PLA2G4C: variants seen among roughly 807,000 people sequenced by gnomAD.
The protein encoded by PLA2G4C is cytosolic phospholipase A2 gamma.
In PLA2G4C, 64 loss-of-function variants were observed where a neutral mutation model predicts 73.8. That is an observed-to-expected ratio of 0.87 (90% CI 0.71 to 1.07). The LOEUF (loss-of-function observed/expected upper bound fraction) is 1.07. Ranked by LOEUF, PLA2G4C falls within the 50% of genes least tolerant of loss-of-function variation. PLA2G4C has a pLI of 0.00. For synonymous variants in PLA2G4C, 254 were observed against 252.1 expected, an observed-to-expected ratio of 1.01 and a Z score of -0.07; for missense variants, 622 against 665.4, an observed-to-expected ratio of 0.93 and a Z score of 0.72.
At chr19:48,088,549 C>G (rs1418865711) in intron 9 of PLA2G4C, 137 bp downstream of exon 9, 2 of 674,538 alleles carry the variant, frequency 3.0e-6, no homozygotes, top group Non-Finnish European at 5.4e-6. Context: ...AAGATGAAAT[C>G]TTTGAAATAC....
intron 11 of PLA2G4C, among the ~76,000 whole-genome samples, chr19:48,075,132 A>G (rs1330371707): frequency 6.6e-6 from 1 of 151,286 alleles, no homozygotes; most frequent in Non-Finnish European, 1.5e-5. Flanking sequence ...TATTTTCTTC[A>G]GGGTTGGAGG....
chr19:48,102,639 C>T (rs950549326), intron 4 of PLA2G4C, among the ~76,000 whole-genome samples: 4 of 152,126 alleles, frequency 2.6e-5, no homozygotes, highest in African/African-American at 9.7e-5. Context: ...CCTGTGAGAT[C>T]AGCACAGTTT....
intron 10 of PLA2G4C, among the ~76,000 whole-genome samples, chr19:48,079,215 G>T (rs562294967): frequency 6.6e-6 from 1 of 152,134 alleles, no homozygotes; most frequent in African/African-American, 2.4e-5. Context: ...CATAGCCAAA[G>T]CAAAGACTAA....
At position 48,109,224 on chromosome 19, in the gene PLA2G4C, T is replaced by C. The variant is rs574337687; in HGVS notation, c.-33+1263A>G. Among the ~76,000 whole-genome samples, 4 of 148,714 alleles carry C rather than the reference T, an allele frequency of 2.7e-5. No homozygotes were observed. In the South Asian group the frequency reaches 9.1e-4, roughly 34 times the overall value. On this transcript the variant is annotated intron_variant, in intron 1 of 16. Coordinates refer to ENST00000599921, the MANE Select transcript of PLA2G4C (RefSeq NM_003706.3). ...CCTCCAAATTCATATGTTGGACTTGTAACCCCCAGAACCTCAGAATGTGAC... is the reference window on the plus strand; with the variant it reads ...CCTCCAAATTCATATGTTGGACTTGCAACCCCCAGAACCTCAGAATGTGAC...
At position 48,062,187 on chromosome 19, in the gene PLA2G4C, TCTGGGGA is replaced by T. The variant is rs772407284; in HGVS notation, c.1103-42_1103-36del. 1.3e-5 allele frequency: 20 copies of T among 1,511,352 alleles called. No homozygotes were observed. In the South Asian group the frequency reaches 2.6e-4, roughly 20 times the overall value. The allele number at this position is 1,511,352 out of a possible 1,614,324, so 93.6% of individuals were successfully genotyped here. ...CCAGGAAGAAAGAGGATCAGCTGCT[TCTGGGGA>T]CTGAAAGCAAGACTTGGAAATGGAA... is the stretch of plus-strand genomic sequence containing the variant. On this transcript the variant is annotated intron_variant, in intron 13 of 16. Transcript: ENST00000599921.
rs1967595256 is a variant in PLA2G4C, at chr19:48,048,257, A to G, written c.*86T>C. ...CTCAAGGCCATGAAGCGTGTGGCTG[A>G]AGGGAGTGAAGAACAGGAAGGCCAG... On this transcript the variant is annotated 3_prime_UTR_variant, in exon 17 of 17. Coordinates refer to ENST00000599921, the MANE Select transcript of PLA2G4C (RefSeq NM_003706.3). The G allele has an allele frequency of 1.1e-6, 1 of 942,336 alleles. No individual in the cohort carries two copies. Among genetic ancestry groups the G allele is most frequent in the African/African-American group, 1.7e-5 (1 of 59,514 alleles). The allele number at this position is 942,336 out of a possible 1,614,324, so 58.4% of individuals were successfully genotyped here. A position where few individuals can be genotyped will look rare whatever the true frequency, so the allele number is the denominator to read the frequency against.
rs761981534 is a variant in PLA2G4C at position 48,085,043 on chromosome 19, T to C, written c.844+16A>G. ...ATATCTCTAGGCTTTGACCTTTCTG[T>C]TCCCCAAATACTCACCAAAAATAAG... On this transcript the variant is annotated intron_variant, in intron 10 of 16. Coordinates refer to ENST00000599921, the MANE Select transcript of PLA2G4C (RefSeq NM_003706.3). The C allele has an allele frequency of 6.3e-7, 1 of 1,589,622 alleles. No homozygotes were observed.
At chr19:48,081,983 A>C (rs2030602983) in intron 10 of PLA2G4C, among the ~76,000 whole-genome samples, 2 of 152,026 alleles carry the variant, frequency 1.3e-5, no homozygotes, top group South Asian at 4.1e-4. Context: ...AGGGAGGCTG[A>C]GGCAGGAGAA....
chr19:48,070,920 C>G (rs982744536), intron 12 of PLA2G4C, among the ~76,000 whole-genome samples: 11 of 44,294 alleles, frequency 2.5e-4, no homozygotes, highest in African/African-American at 6.7e-4. Flanking sequence ...TTTAAAAAAT[C>G]CTGTCTCGGT....
At chr19:48,099,901 G>A (rs750346310) in intron 4 of PLA2G4C, 41 bp from the exon 5 acceptor site, 1 of 1,432,772 alleles carries the variant, frequency 7.0e-7, no homozygotes, top group Non-Finnish European at 9.8e-7. Context: ...CATTTTAAGT[G>A]TGGACGATGA....
chr19:48,097,589 T>C (rs1568449618), intron 6 of PLA2G4C, among the ~76,000 whole-genome samples: 1 of 151,210 alleles, frequency 6.6e-6, no homozygotes, highest in Non-Finnish European at 1.5e-5. Context: ...TCTGTTTTCT[T>C]TTTTCTTTCT....
intron 9 of PLA2G4C, among the ~76,000 whole-genome samples, chr19:48,087,393 A>G (rs545392217): frequency 1.3e-5 from 2 of 152,134 alleles, no homozygotes; most frequent in Non-Finnish European, 2.9e-5. Flanking sequence ...AACTATAGAC[A>G]GCCTTTCTGG....
Position 48,057,521 on chromosome 19 carries a change from G to A in PLA2G4C, c.1258-2472C>T, listed in dbSNP as rs1175991873. On this transcript the variant is annotated intron_variant, in intron 14 of 16. Transcript: ENST00000599921. ...TTTTTTTTTTTTTTGACAGAGTCTC[G>A]CTCTGTTGCCCAGGCTGGAGTGCAG... Among the ~76,000 whole-genome samples the A allele has an allele frequency of 3.2e-4, 11 of 34,432 alleles. No homozygotes were observed. The East Asian group carries it at 5.1e-3, about 16-fold the overall frequency. 22.6% of individuals were successfully genotyped at this position (34,432 alleles called of 152,430 possible).
intron 16 of PLA2G4C, 34 bp downstream of exon 16, chr19:48,052,963 A>G (rs762418918): frequency 6.3e-7 from 1 of 1,580,062 alleles, no homozygotes; most frequent in South Asian, 1.1e-5. Flanking sequence ...CTGAACGAGC[A>G]TAGGCATCAG....
In PLA2G4C at chr19:48,054,866, C is replaced by T. The variant is rs1371462343; in HGVS notation, c.1429+12G>A. ...ACAGGTGGCTTCTCACCTGCTCCTC[C>T]CCTGCACCTACCTCCACAGGCATCT... On this transcript the variant is annotated intron_variant, in intron 15 of 16. Coordinates refer to ENST00000599921, the MANE Select transcript of PLA2G4C (RefSeq NM_003706.3). 9.9e-6 allele frequency: 16 copies of T among 1,613,544 alleles called. No individual in the cohort carries two copies. The highest frequency in any genetic ancestry group is 1.4e-5 in the Non-Finnish European group (16 of 1,179,660).
chr19:48,087,333 C>T (rs11564568), intron 9 of PLA2G4C, among the ~76,000 whole-genome samples: 4,198 of 152,288 alleles, frequency 0.028, 153 homozygotes, highest in African/African-American at 0.084. Context: ...CTCTCTTCCA[C>T]TGCCACAGGC....
At chr19:48,066,028 G>C (rs956804232) in intron 13 of PLA2G4C, among the ~76,000 whole-genome samples, 1 of 151,794 alleles carries the variant, frequency 6.6e-6, no homozygotes. Context: ...CGGAGGTTGC[G>C]GTGAGCTGAG....
intron 12 of PLA2G4C, among the ~76,000 whole-genome samples, chr19:48,073,319 G>C (rs942238112): frequency 6.6e-6 from 1 of 152,050 alleles, no homozygotes; most frequent in Non-Finnish European, 1.5e-5. Flanking sequence ...CAAAGTGCTG[G>C]GATTACAGGT....
At chr19:48,053,364 CTTTTTTTTTT>C (rs1174332835) in intron 15 of PLA2G4C, among the ~76,000 whole-genome samples, 1 of 100,624 alleles carries the variant, frequency 9.9e-6, no homozygotes, top group Non-Finnish European at 2.0e-5. Flanking sequence ...GTCCTTTTTT[CTTTTTTTTTT>C]TTTTTTTTTT....
Sources: allele counts gnomAD v4.1 joint callset (sites outside exome capture counted in the v4.1 genomes callset), GRCh38; gene constraint gnomAD v4.1.1; transcripts MANE v1.5; gene names NCBI Gene and HGNC (gene_info 2026-07-23, HGNC 2026-07-21).